Variants in TUBGCP2 observed in about 807,000 individuals in gnomAD.
TUBGCP2 encodes tubulin gamma complex component 2.
In TUBGCP2, 55 loss-of-function variants were observed where a neutral mutation model predicts 92.2. The observed-to-expected ratio is 0.60, with a 90% CI of 0.48 to 0.75. The LOEUF (loss-of-function observed/expected upper bound fraction) is 0.75. TUBGCP2 is among the 30% of genes least tolerant of loss of function. The pLI is 0.00. For synonymous variants in TUBGCP2, 533 were observed against 505.2 expected (o/e 1.06, Z -0.74); for missense variants, 1,093 against 1,188.9 (o/e 0.92, Z 1.19).
intron 1 of TUBGCP2, 79 bp from the exon 2 acceptor site, chr10:133,303,059 C>A: frequency 1.5e-6 from 2 of 1,338,348 alleles, no homozygotes; most frequent in Non-Finnish European, 2.1e-6. Context: ...CAAGACTGGC[C>A]AATGTCAGGC....
upstream of TUBGCP2, chr10:133,312,079 A>G: frequency 1.4e-6 from 2 of 1,458,148 alleles, no homozygotes; most frequent in South Asian, 2.9e-5. Context: ...AGCACCACTC[A>G]CTTTTCCTCA....
intron 1 of TUBGCP2, among the ~76,000 whole-genome samples, chr10:133,303,880 C>T (rs1016988434): frequency 1.3e-5 from 2 of 152,204 alleles, no homozygotes; most frequent in Non-Finnish European, 1.5e-5. Context: ...AGATCGAAGG[C>T]GTCACAGACA....
upstream of TUBGCP2, chr10:133,310,306 TCAGCA>T (rs778832027): frequency 3.7e-6 from 6 of 1,612,934 alleles, no homozygotes; most frequent in South Asian, 2.2e-5. Context: ...GCCGCCAGGC[TCAGCA>T]CGTGTCTGCT....
intron 1 of TUBGCP2, among the ~76,000 whole-genome samples, chr10:133,308,081 G>C (rs561415790): frequency 6.6e-6 from 1 of 152,346 alleles, no homozygotes; most frequent in South Asian, 2.1e-4. Context: ...TCGCACCATT[G>C]CACTCCAGCC....
At chr10:133,280,184 G>A (rs1207167709) in intron 17 of TUBGCP2, among the ~76,000 whole-genome samples, 1 of 152,214 alleles carries the variant, frequency 6.6e-6, no homozygotes, top group Non-Finnish European at 1.5e-5. Context: ...GTTTCCACAG[G>A]AAGGTTTTCA....
chr10:133,289,153 G>T, intron 9 of TUBGCP2, 133 bp from the exon 10 acceptor site: 2 of 1,031,188 alleles, frequency 1.9e-6, no homozygotes, highest in Non-Finnish European at 2.8e-6. Context: ...GGCCCCAGCT[G>T]TCTTTGTCTA....
At chr10:133,306,671 G>A (rs936085171) in intron 1 of TUBGCP2, among the ~76,000 whole-genome samples, 13 of 152,018 alleles carry the variant, frequency 8.6e-5, no homozygotes, top group Non-Finnish European at 4.4e-5. Context: ...GCTTGTAGTC[G>A]CAGATACTCC....
At chr10:133,309,944 G>A (rs1847950417), upstream of TUBGCP2, 3 of 1,613,330 alleles carry the variant, frequency 1.9e-6, no homozygotes, top group East Asian at 2.2e-5. Context: ...GGCACGATTC[G>A]CTCTTCCAGA....
intron 7 of TUBGCP2, 22 bp from the exon 8 acceptor site, chr10:133,292,710 C>A: frequency 1.2e-6 from 2 of 1,606,418 alleles, no homozygotes; most frequent in East Asian, 2.2e-5. Context: ...AAGGAGGGCT[C>A]ACTGCTGAGA....
intron 9 of TUBGCP2, among the ~76,000 whole-genome samples, chr10:133,289,454 CAG>C (rs2136117489): frequency 6.6e-6 from 1 of 152,268 alleles, no homozygotes; most frequent in South Asian, 2.1e-4. Context: ...CCTGTGTGGT[CAG>C]AGATAGGAAA....
intron 6 of TUBGCP2, 21 bp downstream of exon 6, chr10:133,293,541 G>A (rs1232053004): frequency 6.5e-7 from 1 of 1,549,200 alleles, no homozygotes; most frequent in Non-Finnish European, 8.7e-7. Flanking sequence ...CAGGCTCCCA[G>A]GGACCGCGCC....
chr10:133,282,090 T>C (rs1218650526), intron 16 of TUBGCP2, 133 bp downstream of exon 16: 6 of 1,402,310 alleles, frequency 4.3e-6, no homozygotes, highest in Non-Finnish European at 5.7e-6. Context: ...AAGCTAATTT[T>C]AAGTCTTTTC....
At chr10:133,307,776 TG>T (rs1274387200) in intron 1 of TUBGCP2, among the ~76,000 whole-genome samples, 1 of 152,156 alleles carries the variant, frequency 6.6e-6, no homozygotes, top group Non-Finnish European at 1.5e-5. Context: ...TATGGTTACA[TG>T]ATTTCCTTCT....
At position 133,305,430 on chromosome 10, in the gene TUBGCP2, C is replaced by T. The variant is rs544555449; in HGVS notation, c.-39-2450G>A. On this transcript the variant is annotated intron_variant, in intron 1 of 17. Coordinates refer to ENST00000252936, the MANE Select transcript of TUBGCP2 (RefSeq NM_006659.4). ...TTGCTTTGTATCCAATAAATAACAG[C>T]GCAGCCAGGCATTCGGGGCCACTAC... 4.6e-5 allele frequency among the ~76,000 whole-genome samples: 7 copies of T among 152,202 alleles called. No homozygotes were observed. The East Asian group carries it at 7.8e-4, about 17-fold the overall frequency.
upstream of TUBGCP2, chr10:133,310,419 T>G: frequency 2.7e-5 from 31 of 1,129,622 alleles, no homozygotes; most frequent in Non-Finnish European, 3.5e-5. Flanking sequence ...CACCTGCAGG[T>G]ACCTGAAGCC....
upstream of TUBGCP2, chr10:133,310,107 G>A: frequency 6.2e-7 from 1 of 1,612,064 alleles, no homozygotes; most frequent in Non-Finnish European, 8.5e-7. Flanking sequence ...TGCTACGGGG[G>A]CATGGCGGTG....
In TUBGCP2 at chr10:133,282,190, G is replaced by A. The variant is rs189700857; in HGVS notation, c.2409+33C>T. ...GGCTGCCGCCCAGCCGGGAGGAAGC[G>A]TCTCTCTCTGGCCAAACCTGGAGGC... is the stretch of plus-strand genomic sequence containing the variant. On this transcript the variant is annotated intron_variant, in intron 16 of 17. Transcript: ENST00000252936. 2.7e-4 allele frequency: 442 copies of A among 1,610,680 alleles called. 2 individuals are homozygous for A. The African/African-American group carries it at 3.7e-3, about 14-fold the overall frequency.
chr10:133,280,727 G>A (rs568983311), intron 17 of TUBGCP2, among the ~76,000 whole-genome samples: 44 of 152,338 alleles, frequency 2.9e-4, no homozygotes, highest in Non-Finnish European at 5.9e-4. Context: ...TGGACCAGGG[G>A]AGGGTGCAGG....
Position 133,285,360 on chromosome 10 carries a change from T to G in TUBGCP2, c.1895+96A>C. On this transcript the variant is annotated intron_variant, in intron 12 of 17. Transcript: ENST00000252936. This position sits in a 1 kb window ranked among gnomAD's most constrained non-coding sequence, Gnocchi z 6.8. ...GAAGGCCGGGGAGAGCCGCCTTGGGTCCTCTGTGGGACGAGGTGGCCACCG... is the reference window on the plus strand; with the variant it reads ...GAAGGCCGGGGAGAGCCGCCTTGGGGCCTCTGTGGGACGAGGTGGCCACCG... The G allele has an allele frequency of 6.3e-7, 1 of 1,594,566 alleles. No individual in the cohort carries two copies. The highest frequency in any genetic ancestry group is 8.5e-7 in the Non-Finnish European group (1 of 1,171,604).
Sources: allele counts gnomAD v4.1 joint callset (sites outside exome capture counted in the v4.1 genomes callset), GRCh38; gene constraint gnomAD v4.1.1; non-coding constraint Gnocchi (gnomAD v3.1); transcripts MANE v1.5; gene names NCBI Gene and HGNC (gene_info 2026-07-23, HGNC 2026-07-21).